Variants in BCR observed in about 807,000 individuals in gnomAD.
BCR encodes BCR activator of RhoGEF and GTPase.
BCR carries 58 observed loss-of-function variants against 138.6 expected under a neutral mutation model. The observed-to-expected ratio is 0.42, with a 90% CI of 0.34 to 0.52. BCR has a LOEUF of 0.52. Ranked by LOEUF, BCR falls within the 20% of genes least tolerant of loss-of-function variation. The pLI, the probability that BCR is intolerant of heterozygous loss-of-function variation, is 0.06. For synonymous variants in BCR, 786 were observed against 730.1 expected (o/e 1.08, Z -1.23); for missense variants, 1,599 against 1,727.2 (o/e 0.93, Z 1.32).
At chr22:23,288,768 C>T (rs1330569149) in intron 12 of BCR, among the ~76,000 whole-genome samples, 1 of 152,224 alleles carries the variant, frequency 6.6e-6, no homozygotes, top group Non-Finnish European at 1.5e-5. Context: ...CCCCTTCCTT[C>T]TCTGGGCACT....
intron 16 of BCR, among the ~76,000 whole-genome samples, chr22:23,305,232 G>A (rs1461130854): frequency 7.0e-6 from 1 of 143,834 alleles, no homozygotes; most frequent in Non-Finnish European, 1.5e-5. Context: ...GGTGGTCTCA[G>A]CAAAGACCCA....
At position 23,253,803 on chromosome 22, in the gene BCR, C is replaced by T. The variant is rs761454338; in HGVS notation, c.1284C>T (p.Gly428=). 3 of 1,610,518 alleles carry T rather than the reference C, an allele frequency of 1.9e-6. No individual in the cohort carries two copies. The highest frequency in any genetic ancestry group is 2.5e-6 in the Non-Finnish European group (3 of 1,178,150). ...GATGCTTCTTTGCACACACAGATGG[C>T]TCGTTCGGAACACCACCTGGATACG... The part of the protein sequence containing the change: ...GEGAFHGDAD[G]SFGTPPGYGC... Residue 428 remains glycine (G), a synonymous_variant, in exon 2 of 23, where the codon GGC becomes GGT. Coordinates refer to ENST00000305877, the MANE Select transcript of BCR (RefSeq NM_004327.4).
intron 4 of BCR, among the ~76,000 whole-genome samples, chr22:23,266,388 C>T (rs369403429): frequency 1.4e-5 from 2 of 143,752 alleles, no homozygotes; most frequent in African/African-American, 5.1e-5. Context: ...CGCACCCTGC[C>T]TTTTTTTTTT....
In BCR at chr22:23,316,522, G is replaced by GT. The variant is rs1412352715; in HGVS notation, c.*1004dup. ...CCTTTTGATACTTGAATATTTGTAA[G>GT]TTTTATACATAGTTTCTAATTTTTT... is the stretch of plus-strand genomic sequence containing the variant. On this transcript the variant is annotated 3_prime_UTR_variant, in exon 23 of 23. Coordinates refer to ENST00000305877, the MANE Select transcript of BCR (RefSeq NM_004327.4). 1 of 182,252 alleles carries GT rather than the reference G, an allele frequency of 5.5e-6. No homozygotes were observed. Among genetic ancestry groups the GT allele is most frequent in the Admixed American group, 7.6e-5 (1 of 13,178 alleles). The allele number at this position is 182,252 out of a possible 1,614,324, so 11.3% of individuals were successfully genotyped here.
chr22:23,299,515 G>A (rs1010426441), intron 16 of BCR, among the ~76,000 whole-genome samples: 1 of 151,966 alleles, frequency 6.6e-6, no homozygotes, highest in South Asian at 2.1e-4. Context: ...CTCCCATCAC[G>A]TCCCCCGTGA....
At chr22:23,235,946 T>C (rs1320160080) in intron 1 of BCR, among the ~76,000 whole-genome samples, 1 of 152,202 alleles carries the variant, frequency 6.6e-6, no homozygotes, top group East Asian at 1.9e-4. Flanking sequence ...ACCATCACAT[T>C]GGGGGTTAGA....
chr22:23,268,720 C>G (rs937491718), intron 5 of BCR, among the ~76,000 whole-genome samples: 1 of 152,202 alleles, frequency 6.6e-6, no homozygotes, highest in Non-Finnish European at 1.5e-5. Flanking sequence ...CGTCCTGCCT[C>G]CCCGGGGGCG....
At chr22:23,196,730 G>A (rs1020868883) in intron 1 of BCR, among the ~76,000 whole-genome samples, 3 of 152,148 alleles carry the variant, frequency 2.0e-5, no homozygotes, top group African/African-American at 7.2e-5. Context: ...GCATACATAA[G>A]CCACAATAGG....
At chr22:23,192,839 A>G (rs745633747) in intron 1 of BCR, among the ~76,000 whole-genome samples, 1 of 152,214 alleles carries the variant, frequency 6.6e-6, no homozygotes, top group African/African-American at 2.4e-5. Flanking sequence ...GGGAAGATGT[A>G]GCGGAGATAC....
At chr22:23,239,071 G>T (rs2073058656) in intron 1 of BCR, among the ~76,000 whole-genome samples, 1 of 152,102 alleles carries the variant, frequency 6.6e-6, no homozygotes, top group South Asian at 2.1e-4. Context: ...TTCTGGTCCT[G>T]CCCAGCTTGT....
At position 23,181,284 on chromosome 22, in the gene BCR, G is replaced by A; in HGVS notation, c.324G>A (p.Pro108=). ...CGCCCGCCGACGGAGCCGACCCGCC[G>A]CCCGCCGAGGAGCCCGAGGCCCGGC... ...QPAPADGADP[P]PAEEPEARPD... is the part of the protein sequence containing the mutation. The change falls in exon 1 of 23, where the codon CCG becomes CCA. Residue 108 remains proline (P), a synonymous_variant. Transcript: ENST00000305877. The A allele has an allele frequency of 7.7e-7, 1 of 1,298,560 alleles. No homozygotes were observed. Among genetic ancestry groups the A allele is most frequent in the Non-Finnish European group, 9.8e-7 (1 of 1,018,024 alleles). 80.4% of individuals were successfully genotyped at this position (1,298,560 alleles called of 1,614,324 possible).
intron 22 of BCR, 40 bp downstream of exon 22, chr22:23,314,754 G>A: frequency 6.2e-7 from 1 of 1,610,666 alleles, no homozygotes; most frequent in African/African-American, 1.3e-5. Context: ...ACCCTGACCT[G>A]ACAGAGGTGG....
At position 23,297,236 on chromosome 22, in the gene BCR, TTC is replaced by T. The variant is rs1353597390; in HGVS notation, c.3012+2082_3012+2083del. Reference sequence around the variant, plus strand: ...TTTGTTTTTTGTTTTTTTTTTTTTTTTCGAGACAGAGTTTTGCTCTTGTTGCC... The same window carrying T: ...TTTGTTTTTTGTTTTTTTTTTTTTTTGAGACAGAGTTTTGCTCTTGTTGCC... On this transcript the variant is annotated intron_variant, in intron 16 of 22. Coordinates refer to ENST00000305877, the MANE Select transcript of BCR (RefSeq NM_004327.4). Among the ~76,000 whole-genome samples the T allele has an allele frequency of 3.7e-4, 52 of 139,556 alleles. 1 individual carries two copies. Among genetic ancestry groups the T allele is most frequent in the East Asian group, 1.4e-3 (6 of 4,408 alleles). The allele number at this position is 139,556 out of a possible 152,430, so 91.6% of individuals were successfully genotyped here. A position where few individuals can be genotyped will look rare whatever the true frequency, so the allele number is the denominator to read the frequency against.
Position 23,236,170 on chromosome 22 carries a change from T to A in BCR, c.1280-17629T>A, listed in dbSNP as rs114757833. Reference sequence around the variant, plus strand: ...ACCTCCTGCACACCAGCCAGCCAGGTGGCCTCCACGTACCTTCTGTTTCAT... The same window carrying A: ...ACCTCCTGCACACCAGCCAGCCAGGAGGCCTCCACGTACCTTCTGTTTCAT... On this transcript the variant is annotated intron_variant, in intron 1 of 22. Coordinates refer to ENST00000305877, the MANE Select transcript of BCR (RefSeq NM_004327.4). Among the ~76,000 whole-genome samples the A allele has an allele frequency of 2.3e-3, 348 of 152,266 alleles. 2 individuals are homozygous for A. The highest frequency in any genetic ancestry group is 8.0e-3 in the African/African-American group (333 of 41,552).
chr22:23,242,876 T>C (rs1228048045), intron 1 of BCR: 2 of 455,844 alleles, frequency 4.4e-6, no homozygotes, highest in South Asian at 1.6e-5. Context: ...CTCTGGAGGC[T>C]CTAGGGGAGG....
At chr22:23,238,066 G>A (rs1359335610) in intron 1 of BCR, among the ~76,000 whole-genome samples, 1 of 151,860 alleles carries the variant, frequency 6.6e-6, no homozygotes, top group East Asian at 1.9e-4. Flanking sequence ...CGTGGGTGGA[G>A]AGTGTCATTA....
chr22:23,311,942 CT>C, intron 19 of BCR, 106 bp downstream of exon 19: 3 of 1,489,544 alleles, frequency 2.0e-6, no homozygotes, highest in Non-Finnish European at 2.7e-6. Context: ...TTCTCTGTGT[CT>C]TTTCTTCATT....
intron 1 of BCR, among the ~76,000 whole-genome samples, chr22:23,189,325 C>G (rs189398668): frequency 6.6e-6 from 1 of 152,236 alleles, no homozygotes; most frequent in East Asian, 1.9e-4. Flanking sequence ...ACTCCCCATT[C>G]CCCCTCATCC....
intron 2 of BCR, among the ~76,000 whole-genome samples, chr22:23,258,467 A>G (rs1470746466): frequency 2.0e-5 from 3 of 152,110 alleles, no homozygotes; most frequent in Non-Finnish European, 4.4e-5. Context: ...CCTCCCTCCT[A>G]GAGGGCCAGG....
Sources: allele counts gnomAD v4.1 joint callset (sites outside exome capture counted in the v4.1 genomes callset), GRCh38; gene constraint gnomAD v4.1.1; transcripts MANE v1.5; gene names NCBI Gene and HGNC (gene_info 2026-07-23, HGNC 2026-07-21).